The following CRK variants were observed in gnomAD, a reference collection of about 807,000 sequenced individuals.
The protein encoded by CRK is CRK proto-oncogene, adaptor protein.
A neutral mutation model predicts 29.8 loss-of-function variants in CRK; 4 were observed. The observed-to-expected ratio is 0.13, with a 90% confidence interval of 0.07 to 0.31. The LOEUF is 0.31. CRK is among the 10% of genes least tolerant of loss of function. The pLI is 1.00. For missense variants in CRK, 274 were observed against 396.5 expected (o/e 0.69, Z 2.62); for synonymous variants, 153 against 164.9 (o/e 0.93, Z 0.55).
chr17:1,425,086 GGTTT>G (rs769651812), intron 2 of CRK, among the ~76,000 whole-genome samples: 6 of 150,930 alleles, frequency 4.0e-5, no homozygotes, highest in Non-Finnish European at 5.9e-5. Flanking sequence ...GAAATATAAA[GGTTT>G]TTTTTGTTTG....
At chr17:1,432,834 CAG>C (rs1203766609) in intron 2 of CRK, among the ~76,000 whole-genome samples, 1 of 149,672 alleles carries the variant, frequency 6.7e-6, no homozygotes, top group Non-Finnish European at 1.5e-5. Flanking sequence ...GGTATTTAAA[CAG>C]AGTTTGCTAT....
chr17:1,432,585 G>C (rs1191908445), intron 2 of CRK, among the ~76,000 whole-genome samples: 2 of 151,136 alleles, frequency 1.3e-5, no homozygotes, highest in Non-Finnish European at 2.9e-5. Flanking sequence ...AGACCATCCT[G>C]GCTAACACGG....
intron 2 of CRK, among the ~76,000 whole-genome samples, chr17:1,430,055 T>C (rs1219421936): frequency 6.6e-6 from 1 of 152,072 alleles, no homozygotes; most frequent in East Asian, 1.9e-4. Flanking sequence ...ATTTTTTTTT[T>C]TTTTTAAAGA....
rs529133693 is a variant in CRK at position 1,438,694 on chromosome 17, G to A, written c.242-1539C>T. ...TCCAGAGAAAGAACATATTACAAAC[G>A]CTTAAAATTCCTAAGACACGAGTGT... On this transcript the variant is annotated intron_variant, in intron 1 of 2. Transcript: ENST00000300574. Among the ~76,000 whole-genome samples, 72 of 152,086 alleles carry A rather than the reference G, an allele frequency of 4.7e-4. 1 individual carries two copies. Among genetic ancestry groups the A allele is most frequent in the African/African-American group, 1.6e-3 (68 of 41,482 alleles).
chr17:1,452,565 A>G (rs1057221979), intron 1 of CRK, among the ~76,000 whole-genome samples: 1 of 152,112 alleles, frequency 6.6e-6, no homozygotes, highest in Non-Finnish European at 1.5e-5. Flanking sequence ...AGGTGGGTGG[A>G]TGATCAGAGT....
chr17:1,428,715 G>C (rs576060099), intron 2 of CRK, among the ~76,000 whole-genome samples: 1 of 150,884 alleles, frequency 6.6e-6, no homozygotes, highest in East Asian at 2.0e-4. Flanking sequence ...GTAGAGATGG[G>C]GTTTCACCAT....
intron 2 of CRK, among the ~76,000 whole-genome samples, chr17:1,432,263 C>A (rs993581055): frequency 1.4e-5 from 2 of 146,828 alleles, no homozygotes; most frequent in South Asian, 4.3e-4. Flanking sequence ...CTGAGGCAGG[C>A]GGATCGCTTG....
rs142774218 is a variant in CRK at position 1,421,328 on chromosome 17, A to G, written c.*2185T>C. 6 of 152,368 alleles carry G rather than the reference A, an allele frequency of 3.9e-5. No homozygotes were observed. In the East Asian group the frequency reaches 1.2e-3, roughly 29 times the overall value. The allele number at this position is 152,368 out of a possible 1,614,324, so 9.4% of individuals were successfully genotyped here. A position where few individuals can be genotyped will look rare whatever the true frequency, so the allele number is the denominator to read the frequency against. On this transcript the variant is annotated 3_prime_UTR_variant, in exon 3 of 3. Coordinates refer to ENST00000300574, the MANE Select transcript of CRK (RefSeq NM_016823.4). ...AGGAACATTCAAATCAGTTGTGACAAGGTTTTTCTACAAGTATTTTTGATG... is the reference window on the plus strand; with the variant it reads ...AGGAACATTCAAATCAGTTGTGACAGGGTTTTTCTACAAGTATTTTTGATG...
At chr17:1,428,334 G>C (rs1164028070) in intron 2 of CRK, among the ~76,000 whole-genome samples, 2 of 151,198 alleles carry the variant, frequency 1.3e-5, no homozygotes, top group African/African-American at 4.9e-5. Flanking sequence ...GGGCAGGATG[G>C]TCTCGATCTC....
chr17:1,450,260 G>A (rs1338322173), intron 1 of CRK, among the ~76,000 whole-genome samples: 1 of 152,018 alleles, frequency 6.6e-6, no homozygotes, highest in Admixed American at 6.6e-5. Context: ...TGTAATCCCA[G>A]CACTTTGGGA....
chr17:1,427,227 C>T (rs1270834865), intron 2 of CRK, among the ~76,000 whole-genome samples: 1 of 149,076 alleles, frequency 6.7e-6, no homozygotes, highest in Non-Finnish European at 1.5e-5. Context: ...GGAGTTTGAG[C>T]TGTAGCAAGC....
chr17:1,424,069 T>G (rs900638139), intron 2 of CRK, among the ~76,000 whole-genome samples: 3 of 138,500 alleles, frequency 2.2e-5, no homozygotes, highest in African/African-American at 9.0e-5. Flanking sequence ...CTTTCTCCGT[T>G]TTTTTTTTTT....
intron 1 of CRK, among the ~76,000 whole-genome samples, chr17:1,447,464 C>T (rs779759700): frequency 6.6e-6 from 1 of 152,108 alleles, no homozygotes; most frequent in Admixed American, 6.6e-5. Context: ...CAGGTTACGA[C>T]CATTTTTACA....
intron 1 of CRK, among the ~76,000 whole-genome samples, chr17:1,452,016 C>A (rs2074022124): frequency 6.6e-6 from 1 of 152,022 alleles, no homozygotes; most frequent in Non-Finnish European, 1.5e-5. Flanking sequence ...AACACCAAGT[C>A]TTAGACTCCA....
intron 1 of CRK, among the ~76,000 whole-genome samples, chr17:1,448,901 C>A (rs2073996825): frequency 6.6e-6 from 1 of 151,912 alleles, no homozygotes; most frequent in Non-Finnish European, 1.5e-5. Flanking sequence ...AACTGATTAA[C>A]CAATCTTTAG....
At chr17:1,433,509 CTTTTTTTTTTTTTT>C (rs60236552) in intron 2 of CRK, among the ~76,000 whole-genome samples, 2 of 58,608 alleles carry the variant, frequency 3.4e-5, no homozygotes, top group Admixed American at 2.6e-4. Context: ...CCACGCCTGG[CTTTTTTTTTTTTTT>C]TTTTTTTTTT....
chr17:1,446,935 G>T (rs998841157), intron 1 of CRK, among the ~76,000 whole-genome samples: 1 of 152,156 alleles, frequency 6.6e-6, no homozygotes, highest in Non-Finnish European at 1.5e-5. Flanking sequence ...ACACAGAAAC[G>T]TAAGCAAAAC....
chr17:1,450,248 C>A (rs916556652), intron 1 of CRK, among the ~76,000 whole-genome samples: 1 of 152,092 alleles, frequency 6.6e-6, no homozygotes, highest in Non-Finnish European at 1.5e-5. Context: ...GTGGCTCAGG[C>A]CTGTAATCCC....
chr17:1,423,428 C>T lies in CRK; in HGVS notation c.*85G>A, dbSNP rs2073746716. On this transcript the variant is annotated 3_prime_UTR_variant, in exon 3 of 3. Transcript: ENST00000300574. ...CTTATATAAACTAGACTGCTTTTGACATCTGTAAGAAAATTGTATAGATGG... is the reference window on the plus strand; with the variant it reads ...CTTATATAAACTAGACTGCTTTTGATATCTGTAAGAAAATTGTATAGATGG... 6.6e-7 allele frequency: 1 copy of T among 1,505,776 alleles called. No individual in the cohort carries two copies. Among genetic ancestry groups the T allele is most frequent in the African/African-American group, 1.4e-5 (1 of 70,770 alleles). 93.3% of individuals were successfully genotyped at this position (1,505,776 alleles called of 1,614,324 possible).
Sources: gnomAD v4.1 joint callset for allele counts (sites outside exome capture counted in the v4.1 genomes callset) on GRCh38, gnomAD v4.1.1 for gene constraint, MANE v1.5 for transcripts, NCBI Gene and HGNC (gene_info 2026-07-23, HGNC 2026-07-21) for gene names.